Variants in MPND observed in about 807,000 individuals in gnomAD.
MPND encodes the protein MPN domain containing.
MPND carries 56 observed loss-of-function variants against 59.2 expected under a neutral mutation model. The observed-to-expected ratio is 0.95, with a 90% CI of 0.76 to 1.18. The LOEUF (loss-of-function observed/expected upper bound fraction) is 1.18. Ranked by LOEUF, MPND falls within the 50% of genes most tolerant of loss-of-function variation. The pLI, the probability that MPND is intolerant of heterozygous loss-of-function variation, is 0.00. For missense variants in MPND, 671 were observed against 676.0 expected (o/e 0.99, Z 0.08); for synonymous variants, 323 against 291.9 (o/e 1.11, Z -1.09).
At chr19:4,347,528 C>T (rs1023889398) in intron 3 of MPND, among the ~76,000 whole-genome samples, 5 of 152,226 alleles carry the variant, frequency 3.3e-5, no homozygotes, top group Admixed American at 1.3e-4. Context: ...TGTGAGCCAC[C>T]GCGCCCAGCT....
chr19:4,343,728 G>C lies in MPND; in HGVS notation c.28G>C (p.Ala10Pro). The C allele has an allele frequency of 8.3e-7, 1 of 1,205,508 alleles. No homozygotes were observed. The highest frequency in any genetic ancestry group is 1.0e-6 in the Non-Finnish European group (1 of 970,914). 74.7% of individuals were successfully genotyped at this position (1,205,508 alleles called of 1,614,324 possible). The change falls in exon 2 of 13, where the codon GCG becomes CCG. Residue 10 changes from alanine to proline, a missense_variant. Transcript: ENST00000599840. MAAPEPLSP[A>P]GGAGEEAPEE... is the part of the protein sequence containing the mutation. ...CGCAGCTCCGGAGCCGCTGTCCCCG[G>C]CGGGCGGTGCGGGCGAGGAGGCGCC...
At chr19:4,357,035 T>G in intron 8 of MPND, 1 of 431,484 alleles carries the variant, frequency 2.3e-6, no homozygotes, top group Non-Finnish European at 4.0e-6. Flanking sequence ...TGTCCTGGCT[T>G]TGTGGCAGGG....
At chr19:4,346,134 G>C (rs1972181895) in intron 3 of MPND, among the ~76,000 whole-genome samples, 153 bp downstream of exon 3, 1 of 152,238 alleles carries the variant, frequency 6.6e-6, no homozygotes, top group African/African-American at 2.4e-5. Flanking sequence ...CATCCCTCCA[G>C]GGCTGGGGCG....
chr19:4,359,095 C>G, intron 11 of MPND, 68 bp from the exon 12 acceptor site: 5 of 1,091,662 alleles, frequency 4.6e-6, no homozygotes, highest in South Asian at 3.8e-5. Context: ...GACTGGAACC[C>G]CAGGAGAGGC....
At chr19:4,346,902 C>T (rs767064823) in intron 3 of MPND, among the ~76,000 whole-genome samples, 33 of 151,964 alleles carry the variant, frequency 2.2e-4, no homozygotes, top group Non-Finnish European at 4.0e-4. Flanking sequence ...TGGTGGTGCA[C>T]GCCTGTAGTC....
intron 3 of MPND, chr19:4,347,661 T>C (rs774413966): frequency 4.5e-5 from 16 of 354,462 alleles, no homozygotes; most frequent in Non-Finnish European, 8.0e-5. Flanking sequence ...GTGAGGTTTT[T>C]AAACTTGTGA....
In MPND at chr19:4,343,601, G is replaced by T; in HGVS notation, c.7+1G>T. The T allele has an allele frequency of 8.2e-7, 1 of 1,218,522 alleles. No homozygotes were observed. The allele number at this position is 1,218,522 out of a possible 1,614,324, so 75.5% of individuals were successfully genotyped here. The stretch of plus-strand genomic sequence containing the variant: ...GCGCGGGGAGGCGCGGCCATGGCAG[G>T]TACGGCGGGCCCAGCGGGGCGGAGG... On this transcript the variant is annotated splice_donor_variant, in intron 1 of 12. Transcript: ENST00000599840. LOFTEE classifies it high-confidence loss of function.
chr19:4,353,108 C>T, intron 4 of MPND, 79 bp downstream of exon 4: 1 of 1,174,420 alleles, frequency 8.5e-7, no homozygotes, highest in East Asian at 2.9e-5. Flanking sequence ...GAGGTTGGGC[C>T]TTGATCTTCT....
chr19:4,348,714 G>A (rs1373892819), intron 3 of MPND: 4 of 151,688 alleles, frequency 2.6e-5, no homozygotes, highest in African/African-American at 9.7e-5. Context: ...CTGGAATGCA[G>A]TGGTGCAATC....
Position 4,357,281 on chromosome 19 carries a change from T to C in MPND, c.1025T>C (p.Leu342Pro). The change falls in exon 9 of 13, where the codon CTG (leucine) becomes CCG (proline). Residue 342 changes from leucine to proline, a missense_variant. Transcript: ENST00000599840. ...EIYQSLFLRG[L>P]SLVGWYHSHP... The stretch of plus-strand genomic sequence containing the variant: ...TACCAGAGCCTGTTCCTGCGGGGCC[T>C]GTCCCTGGTGGGCTGGTACCACAGC... The C allele has an allele frequency of 6.2e-7, 1 of 1,610,562 alleles. No individual in the cohort carries two copies. Among genetic ancestry groups the C allele is most frequent in the Non-Finnish European group, 8.5e-7 (1 of 1,178,388 alleles).
chr19:4,354,577 G>A (rs1972392962), intron 6 of MPND, 157 bp downstream of exon 6: 2 of 672,742 alleles, frequency 3.0e-6, no homozygotes, highest in East Asian at 5.5e-5. Context: ...GTATGAAGGA[G>A]GGTGCGTGGC....
intron 3 of MPND, among the ~76,000 whole-genome samples, chr19:4,346,936 A>G (rs1415961634): frequency 6.6e-6 from 1 of 151,960 alleles, no homozygotes; most frequent in African/African-American, 2.4e-5. Flanking sequence ...AGGCTGAGGC[A>G]GGAGAATCAC....
At chr19:4,353,564 GTTTT>G (rs1259998827) in intron 4 of MPND, among the ~76,000 whole-genome samples, 1 of 70,054 alleles carries the variant, frequency 1.4e-5, no homozygotes, top group Non-Finnish European at 2.8e-5. Flanking sequence ...CACTGTACCT[GTTTT>G]TTTGTTTTTT....
chr19:4,348,536 G>C (rs1972241287), intron 3 of MPND: 1 of 152,028 alleles, frequency 6.6e-6, no homozygotes. Context: ...TGAGATTATA[G>C]GCGTGAGCCA....
rs762227211 is a variant in MPND at position 4,360,049 on chromosome 19, G to A, written c.*47G>A. ...TCCAGTTGTCTTGAGGGTCCGGATG[G>A]GCTCAGGTAATAAAGAAACGGAAGC... On this transcript the variant is annotated 3_prime_UTR_variant, in exon 13 of 13. Transcript: ENST00000599840. 3 of 1,495,474 alleles carry A rather than the reference G, an allele frequency of 2.0e-6. No homozygotes were observed. The East Asian group carries it at 7.4e-5, about 37-fold the overall frequency. The allele number at this position is 1,495,474 out of a possible 1,614,324, so 92.6% of individuals were successfully genotyped here.
At position 4,358,092 on chromosome 19, in the gene MPND, A is replaced by G. The variant is rs2144840654; in HGVS notation, c.1246A>G (p.Ser416Gly). Residue 416 changes from serine (S) to glycine (G), a missense_variant, in exon 11 of 13, where the codon AGT becomes GGT. Physicochemically the swap from Ser to Gly is moderately conservative, Grantham distance 56 (BLOSUM62 0). Transcript: ENST00000599840. ...TCTGTGTCCCTGCCAGCAAAGGCCC[A>G]GTGACTATGGCATCCCCATGGATGT... ...WVMPPPEQRP[S>G]DYGIPMDVEM... 1 of 1,551,444 alleles carries G rather than the reference A, an allele frequency of 6.4e-7. No homozygotes were observed. The highest frequency in any genetic ancestry group is 1.2e-5 in the South Asian group (1 of 84,070).
chr19:4,354,286 G>T, intron 5 of MPND, 38 bp from the exon 6 acceptor site: 1 of 1,537,676 alleles, frequency 6.5e-7, no homozygotes, highest in Non-Finnish European at 8.8e-7. Context: ...AAGAGCCTGG[G>T]GATTCCTGAG....
At chr19:4,355,985 C>G (rs983745107) in intron 8 of MPND, among the ~76,000 whole-genome samples, 6 of 151,448 alleles carry the variant, frequency 4.0e-5, no homozygotes, top group African/African-American at 1.2e-4. Context: ...TCCTGAATAC[C>G]TAGGATTACA....
intron 3 of MPND, among the ~76,000 whole-genome samples, chr19:4,351,239 G>C (rs1406207434): frequency 6.6e-6 from 1 of 152,170 alleles, no homozygotes; most frequent in Non-Finnish European, 1.5e-5. Flanking sequence ...GAGTAGCTGG[G>C]ATTGCAGGTG....
Sources: gnomAD v4.1 joint callset for allele counts (sites outside exome capture counted in the v4.1 genomes callset) on GRCh38, gnomAD v4.1.1 for gene constraint, MANE v1.5 for transcripts, NCBI Gene and HGNC (gene_info 2026-07-23, HGNC 2026-07-21) for gene names.